SLC33A1: variants seen among roughly 807,000 people sequenced by gnomAD.
SLC33A1 encodes solute carrier family 33 member 1, also known as acetyl-coenzyme A transporter 1.
In SLC33A1, 20 loss-of-function variants were observed where a neutral mutation model predicts 50.0. That is an observed-to-expected ratio of 0.40 (90% CI 0.28 to 0.58). SLC33A1 has a LOEUF of 0.58. Among genes scored for constraint, SLC33A1 ranks in the 20% least tolerant of loss-of-function variants. The pLI is 0.44. For synonymous variants in SLC33A1, 265 were observed against 251.8 expected (o/e 1.05, Z -0.50); for missense variants, 476 against 657.0 (o/e 0.72, Z 3.01).
chr3:155,842,338 G>A (rs1047366834), intron 2 of SLC33A1, 94 bp downstream of exon 2: 10 of 725,460 alleles, frequency 1.4e-5, no homozygotes, highest in Non-Finnish European at 2.1e-5. Flanking sequence ...TAATGGTAGT[G>A]GAAAGGGACC....
intron 1 of SLC33A1, among the ~76,000 whole-genome samples, chr3:155,847,306 A>C (rs897818691): frequency 5.3e-5 from 8 of 152,232 alleles, no homozygotes; most frequent in African/African-American, 1.9e-4. Flanking sequence ...AGCCTATGTA[A>C]GAATACCTGG....
intron 2 of SLC33A1, among the ~76,000 whole-genome samples, chr3:155,836,598 T>C (rs1320857655): frequency 6.6e-6 from 1 of 152,152 alleles, no homozygotes; most frequent in Non-Finnish European, 1.5e-5. Flanking sequence ...AAATTCAAAA[T>C]ATATTTTAAA....
rs57460942 is a variant in SLC33A1 at position 155,836,280 on chromosome 3, C to CAAAAAAAAAAAAAAAAAAAA, written c.964-2259_964-2240dup. Among the ~76,000 whole-genome samples the CAAAAAAAAAAAAAAAAAAAA allele has an allele frequency of 2.9e-4, 8 of 27,166 alleles. 1 individual carries two copies. Among genetic ancestry groups the CAAAAAAAAAAAAAAAAAAAA allele is most frequent in the South Asian group, 2.7e-3 (1 of 370 alleles). The allele number at this position is 27,166 out of a possible 152,430, so 17.8% of individuals were successfully genotyped here. On this transcript the variant is annotated intron_variant, in intron 2 of 5. Coordinates refer to ENST00000643144, the MANE Select transcript of SLC33A1 (RefSeq NM_004733.4). ...GCCTGGTGACAGAGTGAGACTCTGTCAAAAAAAAAAAAAAAAAAAAAAAAA... is the reference window on the plus strand; with the variant it reads ...GCCTGGTGACAGAGTGAGACTCTGTCAAAAAAAAAAAAAAAAAAAAAAAAAAAAAAAAAAAAAAAAAAAAA...
At chr3:155,831,076 C>T (rs555055965) in intron 4 of SLC33A1, among the ~76,000 whole-genome samples, 1 of 152,224 alleles carries the variant, frequency 6.6e-6, no homozygotes, top group Admixed American at 6.5e-5. Context: ...ACATACACTC[C>T]TTGAGGGCAG....
At chr3:155,848,449 G>A (rs758827806) in intron 1 of SLC33A1, among the ~76,000 whole-genome samples, 26 of 152,180 alleles carry the variant, frequency 1.7e-4, no homozygotes, top group African/African-American at 4.8e-4. Context: ...TTGGGAGGCC[G>A]AGGCAGGCAG....
intron 2 of SLC33A1, among the ~76,000 whole-genome samples, chr3:155,835,414 C>T (rs390677): frequency 0.21 from 31,471 of 152,046 alleles, 3,794 homozygotes; most frequent in South Asian, 0.41. Context: ...TAACAAAAAG[C>T]GGCCCCCAAA....
chr3:155,846,483 C>T (rs1192531919), intron 1 of SLC33A1, among the ~76,000 whole-genome samples: 11 of 136,468 alleles, frequency 8.1e-5, no homozygotes, highest in Admixed American at 5.3e-4. Context: ...GACTGAGTTT[C>T]GCTCTTTTTG....
chr3:155,853,144 T>G, intron 1 of SLC33A1, 79 bp downstream of exon 1: 1 of 1,293,566 alleles, frequency 7.7e-7, no homozygotes, highest in Non-Finnish European at 1.1e-6. Flanking sequence ...TCCAGTAAAT[T>G]AATGAGCTTC....
intron 1 of SLC33A1, among the ~76,000 whole-genome samples, chr3:155,846,411 C>T (rs1441162255): frequency 6.6e-6 from 1 of 151,938 alleles, no homozygotes; most frequent in East Asian, 1.9e-4. Flanking sequence ...CATATTTTAG[C>T]TCCAACCATG....
intron 4 of SLC33A1, 103 bp downstream of exon 4, chr3:155,833,365 A>C (rs1752523265): frequency 1.3e-6 from 1 of 776,948 alleles, no homozygotes; most frequent in Admixed American, 1.8e-5. Context: ...TGTCAGATTC[A>C]TGCTTAAAAT....
intron 2 of SLC33A1, 90 bp downstream of exon 2, chr3:155,842,342 A>G (rs1752966379): frequency 2.7e-6 from 2 of 737,672 alleles, no homozygotes; most frequent in Admixed American, 4.9e-5. Context: ...GGTAGTGGAA[A>G]GGGACCTGTG....
chr3:155,839,291 A>C (rs1752828034), intron 2 of SLC33A1, among the ~76,000 whole-genome samples: 1 of 111,522 alleles, frequency 9.0e-6, no homozygotes, highest in African/African-American at 3.0e-5. Flanking sequence ...AACAAGTGAA[A>C]CTCCGCCTCA....
chr3:155,842,676 T>C (rs964134991), intron 1 of SLC33A1, 57 bp from the exon 2 acceptor site: 4 of 904,148 alleles, frequency 4.4e-6, no homozygotes, highest in Non-Finnish European at 6.7e-6. Flanking sequence ...TCATTGATAC[T>C]AAATAATTCT....
chr3:155,828,269 T>A lies in SLC33A1; in HGVS notation c.1591A>T (p.Lys531Ter). 1 of 1,613,166 alleles carries A rather than the reference T, an allele frequency of 6.2e-7. No individual in the cohort carries two copies. The highest frequency in any genetic ancestry group is 8.5e-7 in the Non-Finnish European group (1 of 1,179,220). The change falls in exon 6 of 6, where the codon AAA (lysine) becomes TAA (stop). Residue 531 changes from lysine (K) to a stop codon, truncating the protein, a stop_gained. Transcript: ENST00000643144. LOFTEE classifies it high-confidence loss of function. ...CCTTCATCCTGTAACTTTTTAAATT[T>A]TGGACCAAGAAAGAACCACCAACCA... Reference protein sequence around the residue: ...GFGWWFFLGPKFKKLQDEGSS... With the variant: ...GFGWWFFLGP
rs199744062 is a variant in SLC33A1 at position 155,833,604 on chromosome 3, T to G, written c.1149-19A>C. ...CAATAATCTATAGAGAAAGAAACAT[T>G]GAGTTGACTTCCATTTTAGCTTAAA... On this transcript the variant is annotated intron_variant, in intron 3 of 5. Coordinates refer to ENST00000643144, the MANE Select transcript of SLC33A1 (RefSeq NM_004733.4). The G allele has an allele frequency of 2.9e-6, 4 of 1,361,954 alleles. No individual in the cohort carries two copies. In the African/African-American group the frequency reaches 5.7e-5, roughly 19 times the overall value. 84.4% of individuals were successfully genotyped at this position (1,361,954 alleles called of 1,614,324 possible).
chr3:155,829,892 G>A lies in SLC33A1; in HGVS notation c.1278C>T (p.Tyr426=), dbSNP rs374910883. The change falls in exon 5 of 6, where the codon TAC becomes TAT. Residue 426 remains tyrosine (Y), a synonymous_variant. Transcript: ENST00000643144. ...LSYALHQVTV[Y]SMYVSIMAFN... is the part of the protein sequence containing the mutation. ...AAGCCATTATAGAAACATACATGCT[G>A]TACACTGTAACCTACGGAAAAATGT... 18 of 1,606,322 alleles carry A rather than the reference G, an allele frequency of 1.1e-5. No individual in the cohort carries two copies. Among genetic ancestry groups the A allele is most frequent in the Non-Finnish European group, 1.5e-5 (18 of 1,173,176 alleles).
In SLC33A1 at chr3:155,854,107, C is replaced by T; in HGVS notation, c.-110G>A. The T allele has an allele frequency of 3.5e-6, 3 of 855,596 alleles. No homozygotes were observed. The highest frequency in any genetic ancestry group is 2.6e-5 in the East Asian group (1 of 38,602). 53.0% of individuals were successfully genotyped at this position (855,596 alleles called of 1,614,324 possible). A position where few individuals can be genotyped will look rare whatever the true frequency, so the allele number is the denominator to read the frequency against. On this transcript the variant is annotated 5_prime_UTR_variant, in exon 1 of 6. The change creates a new upstream start codon in the 5' untranslated region. Transcript: ENST00000643144. ...GCTGGACCAGGGTTTCGGTGGTTCA[C>T]GGGATGGTGGCAGGGCTCAGAGCGA... is the stretch of plus-strand genomic sequence containing the variant.
intron 1 of SLC33A1, among the ~76,000 whole-genome samples, chr3:155,844,449 ATATATATATTTTTTTTTTTTTTT>A (rs1753067592): frequency 4.1e-5 from 1 of 24,126 alleles, no homozygotes; most frequent in African/African-American, 1.4e-4. Flanking sequence ...ATATATATAT[ATATATATATTTTTTTTTTTTTTT>A]TTTTTTTTTT....
At chr3:155,844,390 C>G (rs935966989) in intron 1 of SLC33A1, among the ~76,000 whole-genome samples, 4 of 135,152 alleles carry the variant, frequency 3.0e-5, no homozygotes, top group Non-Finnish European at 4.6e-5. Context: ...TTGAGTCTTA[C>G]ATTCTTTTCA....
Sources: gnomAD v4.1 joint callset for allele counts (sites outside exome capture counted in the v4.1 genomes callset) on GRCh38, gnomAD v4.1.1 for gene constraint, MANE v1.5 for transcripts, NCBI Gene and HGNC (gene_info 2026-07-23, HGNC 2026-07-21) for gene names.